Variants in ESPN observed in about 807,000 individuals in gnomAD.
ESPN encodes the protein espin.
Under a neutral mutation model 77.7 loss-of-function variants are expected in ESPN, and 68 were observed. The ratio of observed to expected loss-of-function variants is 0.87; its 90% confidence interval spans 0.72 to 1.07. ESPN has a LOEUF of 1.07. Among genes scored for constraint, ESPN ranks in the 50% least tolerant of loss-of-function variants. The probability of loss-of-function intolerance (pLI) is 0.00; values close to 1 mark genes in which losing one functional copy is unlikely to be tolerated. For synonymous variants in ESPN, 449 were observed against 567.1 expected (o/e 0.79, Z 2.96); for missense variants, 1,060 against 1,239.0 (o/e 0.86, Z 2.17).
intron 7 of ESPN, chr1:6,448,247 C>A (rs1643884636): frequency 6.2e-6 from 1 of 162,434 alleles, no homozygotes; most frequent in African/African-American, 2.4e-5. Flanking sequence ...CCCTGGGGAC[C>A]CGCAGTCCTT....
At chr1:6,455,959 C>A in intron 10 of ESPN, 2 of 398,684 alleles carry the variant, frequency 5.0e-6, no homozygotes, top group Admixed American at 4.4e-5. Context: ...CCATTTCAGA[C>A]GGGGGACCCG....
At chr1:6,459,227 C>T (rs1256900664) in intron 12 of ESPN, among the ~76,000 whole-genome samples, 3 of 148,048 alleles carry the variant, frequency 2.0e-5, no homozygotes, top group Admixed American at 6.7e-5. Flanking sequence ...GGTGACAGAG[C>T]GAGACTCTGT....
At chr1:6,461,110 T>C (rs3138157), downstream of ESPN, 1 of 568,524 alleles carries the variant, frequency 1.8e-6, no homozygotes, top group South Asian at 1.5e-5. The surrounding 1 kb of genome is among the most constrained non-coding windows in gnomAD (Gnocchi z 6.3). Context: ...AAAAGTCCAG[T>C]CCACTTAACA....
chr1:6,453,408 C>T (rs545853831), intron 10 of ESPN, among the ~76,000 whole-genome samples: 3 of 152,342 alleles, frequency 2.0e-5, no homozygotes, highest in Non-Finnish European at 4.4e-5. Flanking sequence ...ACTGGGGCAG[C>T]CCTAACCGGC....
At chr1:6,425,354 T>C in intron 1 of ESPN, 105 bp downstream of exon 1, 1 of 1,365,144 alleles carries the variant, frequency 7.3e-7, no homozygotes, top group Non-Finnish European at 1.0e-6. Context: ...TGGCACCTCC[T>C]GGCCCAGCTG....
Position 6,428,526 on chromosome 1 carries a change from C to G in ESPN, c.488+107C>G. 2 of 986,328 alleles carry G rather than the reference C, an allele frequency of 2.0e-6. No homozygotes were observed. Among genetic ancestry groups the G allele is most frequent in the Non-Finnish European group, 3.0e-6 (2 of 671,650 alleles). The allele number at this position is 986,328 out of a possible 1,614,324, so 61.1% of individuals were successfully genotyped here. A position where few individuals can be genotyped will look rare whatever the true frequency, so the allele number is the denominator to read the frequency against. ...TGGCACTCCAGGGCAATGATCCCTCCAGTGGCCATCCTGGGGCCAGAGGGC... is the reference window on the plus strand; with the variant it reads ...TGGCACTCCAGGGCAATGATCCCTCGAGTGGCCATCCTGGGGCCAGAGGGC... On this transcript the variant is annotated intron_variant, in intron 2 of 12. Transcript: ENST00000645284. The surrounding 1 kb of genome is among the most constrained non-coding windows in gnomAD (Gnocchi z 5.4).
At chr1:6,455,088 C>T in intron 10 of ESPN, 2 of 384,632 alleles carry the variant, frequency 5.2e-6, no homozygotes, top group East Asian at 3.7e-5. Context: ...CGTGGCGGCC[C>T]GCTCTGGCCA....
chr1:6,452,447 C>G (rs1410198797), intron 10 of ESPN, among the ~76,000 whole-genome samples: 1 of 152,092 alleles, frequency 6.6e-6, no homozygotes, highest in East Asian at 1.9e-4. Flanking sequence ...AACCACCGTG[C>G]CCGGCCATTT....
In ESPN at chr1:6,447,815, A is replaced by G. The variant is rs1416415025; in HGVS notation, c.1465-826A>G. 4.6e-5 allele frequency among the ~76,000 whole-genome samples: 7 copies of G among 151,986 alleles called. No individual in the cohort carries two copies. The highest frequency in any genetic ancestry group is 8.8e-5 in the Non-Finnish European group (6 of 67,968). Reference sequence around the variant, plus strand: ...CCCTCTCCCCTCTCGGGCGGGGATGAAGGTGGGGGCTCAGCTCCCAGCTTA... The same window carrying G: ...CCCTCTCCCCTCTCGGGCGGGGATGGAGGTGGGGGCTCAGCTCCCAGCTTA... On this transcript the variant is annotated intron_variant, in intron 7 of 12. Coordinates refer to ENST00000645284, the MANE Select transcript of ESPN (RefSeq NM_031475.3). The surrounding 1 kb of genome is among the most constrained non-coding windows in gnomAD (Gnocchi z 5.2).
intron 10 of ESPN, 143 bp downstream of exon 10, chr1:6,452,239 C>G: frequency 9.3e-7 from 1 of 1,070,838 alleles, no homozygotes; most frequent in Non-Finnish European, 1.3e-6. Flanking sequence ...GAGTCTTGCT[C>G]TGTCGCCCAG....
chr1:6,431,813 G>T (rs1405288748), intron 2 of ESPN, among the ~76,000 whole-genome samples: 1 of 152,140 alleles, frequency 6.6e-6, no homozygotes, highest in Non-Finnish European at 1.5e-5. Flanking sequence ...TTTACAGATG[G>T]ACTCATTCAA....
Position 6,451,095 on chromosome 1 carries a change from G to A in ESPN, c.1916-508G>A, listed in dbSNP as rs1643935998. ...GTCTGTGGGTGTGGTGGGGAGGGAG[G>A]GGACCAGGTGGGTACTGGCACTCTG... On this transcript the variant is annotated intron_variant, in intron 8 of 12. Transcript: ENST00000645284. This position sits in a 1 kb window ranked among gnomAD's most constrained non-coding sequence, Gnocchi z 4.3. 6.6e-6 allele frequency among the ~76,000 whole-genome samples: 1 copy of A among 152,214 alleles called. No homozygotes were observed. The highest frequency in any genetic ancestry group is 1.5e-5 in the Non-Finnish European group (1 of 68,038).
rs116898509 is a variant in ESPN at position 6,444,083 on chromosome 1, C to T, written c.991-398C>T. Reference sequence around the variant, plus strand: ...AGGCCCCAGGTCCAGCAAGGAGAGCCGGCTTGCCAGCCAGGTAACTAGGGA... The same window carrying T: ...AGGCCCCAGGTCCAGCAAGGAGAGCTGGCTTGCCAGCCAGGTAACTAGGGA... On this transcript the variant is annotated intron_variant, in intron 5 of 12. Coordinates refer to ENST00000645284, the MANE Select transcript of ESPN (RefSeq NM_031475.3). Among the ~76,000 whole-genome samples the T allele has an allele frequency of 2.8e-4, 42 of 152,344 alleles. No individual in the cohort carries two copies. The East Asian group carries it at 5.6e-3, about 20-fold the overall frequency.
chr1:6,442,966 G>A (rs1643696528), intron 5 of ESPN: 1 of 151,458 alleles, frequency 6.6e-6, no homozygotes, highest in African/African-American at 2.4e-5. Context: ...TGAAGTCAGG[G>A]TTCGAGACCA....
chr1:6,459,903 C>T (rs1186530678), intron 12 of ESPN, 96 bp from the exon 13 acceptor site: 2 of 1,517,036 alleles, frequency 1.3e-6, no homozygotes, highest in Non-Finnish European at 1.8e-6. Context: ...GCATGGGTGA[C>T]CTGGCCTCTG....
At chr1:6,452,565 T>G (rs1643968885) in intron 10 of ESPN, among the ~76,000 whole-genome samples, 1 of 152,144 alleles carries the variant, frequency 6.6e-6, no homozygotes, top group Non-Finnish European at 1.5e-5. Context: ...TTTCTCAGAC[T>G]CTCCTTCACC....
In ESPN at chr1:6,424,866, G is replaced by T. The variant is rs567261716; in HGVS notation, c.-90G>T. 7 of 1,231,614 alleles carry T rather than the reference G, an allele frequency of 5.7e-6. No homozygotes were observed. The highest frequency in any genetic ancestry group is 3.4e-5 in the East Asian group (1 of 29,602). 76.3% of individuals were successfully genotyped at this position (1,231,614 alleles called of 1,614,324 possible). On this transcript the variant is annotated 5_prime_UTR_variant, in exon 1 of 13. Transcript: ENST00000645284. ...CCCGGCCCGCAGATCCCCGACGGCCGCACCGCGGGCTCCTCTGGCCCGCAA... is the reference window on the plus strand; with the variant it reads ...CCCGGCCCGCAGATCCCCGACGGCCTCACCGCGGGCTCCTCTGGCCCGCAA...
At chr1:6,455,978 G>A in intron 10 of ESPN, 1 of 398,590 alleles carries the variant, frequency 2.5e-6, no homozygotes, top group Non-Finnish European at 4.4e-6. Flanking sequence ...CGCCTGAGGG[G>A]CAGCCCGAGG....
In ESPN at chr1:6,427,990, T is replaced by C. The variant is rs979359294; in HGVS notation, c.295-236T>C. 3.3e-5 allele frequency among the ~76,000 whole-genome samples: 5 copies of C among 152,196 alleles called. No homozygotes were observed. The highest frequency in any genetic ancestry group is 6.5e-5 in the Admixed American group (1 of 15,290). On this transcript the variant is annotated intron_variant, in intron 1 of 12. Coordinates refer to ENST00000645284, the MANE Select transcript of ESPN (RefSeq NM_031475.3). The surrounding 1 kb of genome is among the most constrained non-coding windows in gnomAD (Gnocchi z 4.6). The stretch of plus-strand genomic sequence containing the variant: ...AGCCTCTGAAAACCCTGCACGGTGC[T>C]GCCTATTGGCTACGGTTCAGAGAGG...
Sources: gnomAD v4.1 joint callset for allele counts (sites outside exome capture counted in the v4.1 genomes callset) on GRCh38, gnomAD v4.1.1 for gene constraint, Gnocchi (gnomAD v3.1) non-coding constraint, MANE v1.5 for transcripts, NCBI Gene and HGNC (gene_info 2026-07-23, HGNC 2026-07-21) for gene names.